GHR: variants seen among roughly 807,000 people sequenced by gnomAD.
GHR encodes GH receptor.
A neutral mutation model predicts 67.1 loss-of-function variants in GHR; 35 were observed. The ratio of observed to expected loss-of-function variants is 0.52; its 90% CI spans 0.40 to 0.69. GHR has a LOEUF of 0.69. Among genes scored for constraint, GHR ranks in the 30% least tolerant of loss-of-function variants. The pLI is 0.00. For missense variants in GHR, 792 were observed against 764.6 expected (o/e 1.04, Z -0.42); for synonymous variants, 272 against 269.1 (o/e 1.01, Z -0.10).
intron 1 of GHR, among the ~76,000 whole-genome samples, chr5:42,447,115 G>T (rs1003993533): frequency 6.6e-6 from 1 of 152,098 alleles, no homozygotes; most frequent in African/African-American, 2.4e-5. Context: ...TGTCAACAGT[G>T]ATCTAAGTTT....
intron 3 of GHR, chr5:42,646,199 C>A: frequency 3.7e-6 from 1 of 270,790 alleles, no homozygotes; most frequent in African/African-American, 2.2e-5. Flanking sequence ...GAGAGGTACA[C>A]TGAAAATGAA....
chr5:42,625,579 G>A (rs889292991), intron 2 of GHR, among the ~76,000 whole-genome samples: 6 of 152,062 alleles, frequency 3.9e-5, no homozygotes, highest in African/African-American at 1.5e-4. Context: ...TTTTAGGGAG[G>A]CATAAGACAT....
intron 2 of GHR, among the ~76,000 whole-genome samples, chr5:42,574,354 G>A (rs902136483): frequency 2.6e-5 from 4 of 152,184 alleles, no homozygotes; most frequent in Non-Finnish European, 5.9e-5. Flanking sequence ...ATATCATGGT[G>A]CCCAACTTTC....
intron 3 of GHR, among the ~76,000 whole-genome samples, chr5:42,635,645 G>A (rs1285986293): frequency 3.9e-5 from 6 of 152,036 alleles, no homozygotes; most frequent in Admixed American, 6.6e-5. Flanking sequence ...GAAATATTTG[G>A]TCTTAACTTT....
chr5:42,462,751 C>T (rs1229657445), intron 1 of GHR, among the ~76,000 whole-genome samples: 1 of 151,522 alleles, frequency 6.6e-6, no homozygotes, highest in East Asian at 1.9e-4. Context: ...TCCTCAAATT[C>T]AAAAATTATA....
rs1744852416 is a variant in GHR at position 42,468,678 on chromosome 5, G to A, written c.-12+44723G>A. 3 of 995,130 alleles carry A rather than the reference G, an allele frequency of 3.0e-6. No homozygotes were observed. In the South Asian group the frequency reaches 3.9e-5, roughly 13 times the overall value. The allele number at this position is 995,130 out of a possible 1,614,324, so 61.6% of individuals were successfully genotyped here. ...TTGCGCAGCTAGCTATTTGCCTGCC[G>A]CCTTGGAGTTGGTCTGGGTCGCAGC... On this transcript the variant is annotated intron_variant, in intron 1 of 9. Transcript: ENST00000230882.
At chr5:42,586,581 T>G (rs888096300) in intron 2 of GHR, among the ~76,000 whole-genome samples, 11 of 152,240 alleles carry the variant, frequency 7.2e-5, no homozygotes, top group Non-Finnish European at 1.5e-4. Context: ...CCTACTTGTC[T>G]TATTTAATTA....
chr5:42,565,402 G>A, intron 1 of GHR: 4 of 967,778 alleles, frequency 4.1e-6, no homozygotes, highest in Non-Finnish European at 4.9e-6. Flanking sequence ...TTTGTTCACT[G>A]GGAAACAGAT....
intron 2 of GHR, among the ~76,000 whole-genome samples, chr5:42,595,732 G>A (rs553671676): frequency 6.6e-6 from 1 of 152,200 alleles, no homozygotes; most frequent in African/African-American, 2.4e-5. Flanking sequence ...TAATGAAATG[G>A]GTCTTAAGTG....
intron 1 of GHR, among the ~76,000 whole-genome samples, chr5:42,474,295 G>GAGAAAGAAAGAAGGAAAGAAAGAA (rs1745164071): frequency 1.2e-5 from 1 of 81,070 alleles, no homozygotes; most frequent in East Asian, 2.9e-4. Flanking sequence ...AAAAGAGAAA[G>GAGAAAGAAAGAAGGAAAGAAAGAA]AGAAAGAAAG....
chr5:42,664,802 C>G (rs1179505995), intron 3 of GHR, among the ~76,000 whole-genome samples: 1 of 152,142 alleles, frequency 6.6e-6, no homozygotes, highest in Non-Finnish European at 1.5e-5. Flanking sequence ...TCAGAGTGAA[C>G]AGGCAGCCTA....
chr5:42,709,968 A>G (rs529107726), intron 6 of GHR, among the ~76,000 whole-genome samples: 3 of 152,168 alleles, frequency 2.0e-5, no homozygotes, highest in African/African-American at 7.2e-5. Context: ...TTTTGATCCT[A>G]TTAGTGAAAT....
intron 2 of GHR, among the ~76,000 whole-genome samples, chr5:42,592,683 T>A (rs1410808380): frequency 6.6e-6 from 1 of 152,222 alleles, no homozygotes; most frequent in African/African-American, 2.4e-5. Context: ...TTTAGGTTTA[T>A]CCTGTGTCTT....
intron 2 of GHR, among the ~76,000 whole-genome samples, chr5:42,595,230 A>T (rs1416525628): frequency 6.6e-6 from 1 of 152,144 alleles, no homozygotes; most frequent in African/African-American, 2.4e-5. Context: ...GCCCTATGAA[A>T]TTTTTTATCA....
intron 1 of GHR, among the ~76,000 whole-genome samples, chr5:42,489,422 A>C (rs1746018718): frequency 6.6e-6 from 1 of 152,206 alleles, no homozygotes; most frequent in South Asian, 2.1e-4. Context: ...TTAGAAACAT[A>C]AATAATGAGT....
intron 3 of GHR, among the ~76,000 whole-genome samples, chr5:42,640,347 C>A (rs1754404007): frequency 1.3e-5 from 2 of 152,112 alleles, no homozygotes; most frequent in African/African-American, 4.8e-5. Context: ...TAACATCTAT[C>A]TCAAAGGGTC....
chr5:42,513,844 T>A (rs558444111), intron 1 of GHR, among the ~76,000 whole-genome samples: 1 of 152,258 alleles, frequency 6.6e-6, no homozygotes, highest in South Asian at 2.1e-4. Flanking sequence ...GAGGATTATC[T>A]GTGATGTTAG....
intron 1 of GHR, among the ~76,000 whole-genome samples, chr5:42,443,933 C>T (rs1370451816): frequency 1.3e-5 from 2 of 149,142 alleles, no homozygotes; most frequent in East Asian, 1.9e-4. Flanking sequence ...CATGGCCCAG[C>T]CAAGGTGATA....
chr5:42,497,828 A>G (rs1331411423), intron 1 of GHR, among the ~76,000 whole-genome samples: 1 of 152,148 alleles, frequency 6.6e-6, no homozygotes, highest in African/African-American at 2.4e-5. Context: ...GAAAAGAGTC[A>G]CCTGTTTACA....
Sources: gnomAD v4.1 joint callset for allele counts (sites outside exome capture counted in the v4.1 genomes callset) on GRCh38, gnomAD v4.1.1 for gene constraint, MANE v1.5 for transcripts, NCBI Gene and HGNC (gene_info 2026-07-23, HGNC 2026-07-21) for gene names.